ATP8A2: variants seen among roughly 807,000 people sequenced by gnomAD.
The protein encoded by ATP8A2 is phospholipid-transporting ATPase IB.
ATP8A2 carries 100 observed loss-of-function variants against 165.6 expected under a neutral mutation model. The observed-to-expected ratio is 0.60, with a 90% CI of 0.51 to 0.71. ATP8A2 has a LOEUF of 0.71. Among genes scored for constraint, ATP8A2 ranks in the 30% least tolerant of loss-of-function variants. ATP8A2 has a pLI of 0.00. For missense variants in ATP8A2, 1,227 were observed against 1,479.5 expected, an observed-to-expected ratio of 0.83 and a Z score of 2.80; for synonymous variants, 543 against 548.8, an observed-to-expected ratio of 0.99 and a Z score of 0.15.
chr13:25,744,491 G>A (rs982233300), intron 25 of ATP8A2, among the ~76,000 whole-genome samples: 5 of 152,186 alleles, frequency 3.3e-5, no homozygotes, highest in Non-Finnish European at 1.5e-5. Context: ...AACTAAAGCG[G>A]GGGGAGGGGA....
At chr13:25,466,768 T>A (rs925647760) in intron 1 of ATP8A2, among the ~76,000 whole-genome samples, 1 of 152,156 alleles carries the variant, frequency 6.6e-6, no homozygotes, top group Non-Finnish European at 1.5e-5. Context: ...AGGTGAGCAA[T>A]GAACCACTTT....
intron 2 of ATP8A2, among the ~76,000 whole-genome samples, chr13:25,513,291 G>A (rs966089205): frequency 1.2e-4 from 18 of 152,086 alleles, no homozygotes; most frequent in African/African-American, 1.9e-4. Flanking sequence ...GGTCGCGGCC[G>A]GGTAGGGGTG....
intron 35 of ATP8A2, among the ~76,000 whole-genome samples, chr13:26,001,171 A>G (rs1956624950): frequency 6.6e-6 from 1 of 152,192 alleles, no homozygotes; most frequent in Non-Finnish European, 1.5e-5. Context: ...CACTTAGCAT[A>G]ATATTTTCAG....
intron 33 of ATP8A2, among the ~76,000 whole-genome samples, chr13:25,939,866 G>A (rs1292475506): frequency 2.0e-5 from 3 of 152,140 alleles, no homozygotes; most frequent in Non-Finnish European, 4.4e-5. Context: ...CCCAGGCTTC[G>A]CCTTTCTTCT....
At chr13:25,480,290 G>A (rs569922874) in intron 2 of ATP8A2, among the ~76,000 whole-genome samples, 1 of 150,598 alleles carries the variant, frequency 6.6e-6, no homozygotes, top group Non-Finnish European at 1.5e-5. Context: ...CTGGCCGGGC[G>A]GGGGGCTGAC....
chr13:25,783,960 G>A (rs944140607), intron 27 of ATP8A2, among the ~76,000 whole-genome samples: 1 of 152,174 alleles, frequency 6.6e-6, no homozygotes, highest in Non-Finnish European at 1.5e-5. Context: ...TGGAGAGGGG[G>A]TGAGAGGACA....
rs1039630069 is a variant in ATP8A2 at position 25,700,894 on chromosome 13, G to C, written c.2384+1549G>C. 4.3e-4 allele frequency among the ~76,000 whole-genome samples: 65 copies of C among 152,276 alleles called. 1 individual carries two copies. In the South Asian group the frequency reaches 5.2e-3, roughly 12 times the overall value. On this transcript the variant is annotated intron_variant, in intron 25 of 36. Transcript: ENST00000381655. Reference sequence around the variant, plus strand: ...GCTAGCTATCTTTTTGATTAGTTAGGATGTGAAGTGGTATCGCATTGTCCT... The same window carrying C: ...GCTAGCTATCTTTTTGATTAGTTAGCATGTGAAGTGGTATCGCATTGTCCT...
intron 2 of ATP8A2, among the ~76,000 whole-genome samples, chr13:25,473,474 C>T (rs9581352): frequency 0.085 from 12,911 of 152,104 alleles, 884 homozygotes; most frequent in African/African-American, 0.18. Context: ...ATGTGTCCAC[C>T]TAATAAGATC....
intron 33 of ATP8A2, among the ~76,000 whole-genome samples, chr13:25,931,949 G>A (rs1010090228): frequency 6.6e-6 from 1 of 151,776 alleles, no homozygotes; most frequent in African/African-American, 2.4e-5. Flanking sequence ...TTGGGAGGCC[G>A]AGGCAGGAGA....
At chr13:25,591,541 T>TTGATTCATTAATCCATCA (rs1325169956) in intron 24 of ATP8A2, among the ~76,000 whole-genome samples, 7 of 152,242 alleles carry the variant, frequency 4.6e-5, no homozygotes, top group African/African-American at 1.7e-4. Context: ...CTACATTTTG[T>TTGATTCATTAATCCATCA]TGATTCATTA....
At chr13:25,481,245 CAT>C (rs2137585205) in intron 2 of ATP8A2, among the ~76,000 whole-genome samples, 1 of 152,162 alleles carries the variant, frequency 6.6e-6, no homozygotes, top group South Asian at 2.1e-4. Flanking sequence ...TACTGGTCTT[CAT>C]AGTTACTTCC....
intron 1 of ATP8A2, among the ~76,000 whole-genome samples, chr13:25,421,357 C>T (rs1044468589): frequency 1.3e-5 from 2 of 152,158 alleles, no homozygotes; most frequent in African/African-American, 4.8e-5. Context: ...TTTTTACAGT[C>T]AGGGTCTCTC....
chr13:25,993,323 C>A (rs58526845), intron 35 of ATP8A2, among the ~76,000 whole-genome samples: 2,906 of 152,226 alleles, frequency 0.019, 82 homozygotes, highest in African/African-American at 0.06. Flanking sequence ...GGAAGCATTC[C>A]CTTTGAAAAC....
intron 35 of ATP8A2, among the ~76,000 whole-genome samples, chr13:25,979,837 G>T (rs1005605618): frequency 2.0e-5 from 3 of 152,164 alleles, no homozygotes; most frequent in Non-Finnish European, 4.4e-5. Context: ...AGTCAGGGAA[G>T]CCTCCTAAGA....
At chr13:25,525,740 T>C (rs1249740428) in intron 2 of ATP8A2, among the ~76,000 whole-genome samples, 1 of 152,140 alleles carries the variant, frequency 6.6e-6, no homozygotes, top group Non-Finnish European at 1.5e-5. Flanking sequence ...GGATCCTCTT[T>C]GTCCTTGGTC....
At chr13:25,980,752 TC>T (rs552956030) in intron 35 of ATP8A2, among the ~76,000 whole-genome samples, 123 of 152,246 alleles carry the variant, frequency 8.1e-4, no homozygotes, top group African/African-American at 2.8e-3. Flanking sequence ...GCACCTGTAT[TC>T]CCAGCTACTC....
intron 25 of ATP8A2, among the ~76,000 whole-genome samples, chr13:25,721,104 T>G (rs1224957385): frequency 6.6e-6 from 1 of 151,896 alleles, no homozygotes; most frequent in Non-Finnish European, 1.5e-5. Flanking sequence ...TACAGGCTCA[T>G]GCCACCACAA....
At chr13:25,949,939 A>G (rs942358331) in intron 33 of ATP8A2, among the ~76,000 whole-genome samples, 8 of 152,108 alleles carry the variant, frequency 5.3e-5, no homozygotes, top group African/African-American at 1.9e-4. Context: ...AGCTGAGACT[A>G]TAGGCACACA....
intron 24 of ATP8A2, among the ~76,000 whole-genome samples, chr13:25,638,407 C>T (rs1235992909): frequency 6.6e-6 from 1 of 152,102 alleles, no homozygotes; most frequent in East Asian, 1.9e-4. Context: ...TAGAGAAGTC[C>T]TTAAATGACC....
Sources: allele counts gnomAD v4.1 joint callset (sites outside exome capture counted in the v4.1 genomes callset), GRCh38; gene constraint gnomAD v4.1.1; transcripts MANE v1.5; gene names NCBI Gene and HGNC (gene_info 2026-07-23, HGNC 2026-07-21).